PLBD1: variants seen among roughly 807,000 people sequenced by gnomAD.
PLBD1 encodes lysosomal leucine aminopeptidase.
Under a neutral mutation model 63.0 loss-of-function variants are expected in PLBD1, and 60 were observed. That is an observed-to-expected ratio of 0.95 (90% CI 0.77 to 1.18). The LOEUF is 1.18. PLBD1 is among the 50% of genes most tolerant of loss of function. The pLI is 0.00. For missense variants in PLBD1, 598 were observed against 677.9 expected (o/e 0.88, Z 1.31); for synonymous variants, 262 against 248.0 (o/e 1.06, Z -0.53).
chr12:14,505,106 CT>C lies in PLBD1; in HGVS notation c.1479+1055del, dbSNP rs57466061. On this transcript the variant is annotated intron_variant, in intron 10 of 10. Coordinates refer to ENST00000240617, the MANE Select transcript of PLBD1 (RefSeq NM_024829.6). ...TCTGTGCCAGCTTCTCTACGTCTACCTTTTTTTTTTTTTTTTTTAATGTTAA... is the reference window on the plus strand; with the variant it reads ...TCTGTGCCAGCTTCTCTACGTCTACCTTTTTTTTTTTTTTTTTAATGTTAA... 7.4e-3 allele frequency among the ~76,000 whole-genome samples: 1,033 copies of C among 140,504 alleles called. 1 individual carries two copies. The highest frequency in any genetic ancestry group is 0.011 in the Middle Eastern group (3 of 270). 92.2% of individuals were successfully genotyped at this position (140,504 alleles called of 152,430 possible).
At chr12:14,519,641 G>A (rs1565572610) in intron 6 of PLBD1, among the ~76,000 whole-genome samples, 1 of 151,080 alleles carries the variant, frequency 6.6e-6, no homozygotes, top group Non-Finnish European at 1.5e-5. Context: ...AAAAAAAGGA[G>A]GAAGTGATGC....
In PLBD1 at chr12:14,511,305, G is replaced by A. The variant is rs553944681; in HGVS notation, c.1141C>T (p.Pro381Ser). The change falls in exon 8 of 11, where the codon CCT becomes TCT. Residue 381 changes from proline (P) to serine (S), a missense_variant. Transcript: ENST00000240617. ...TGTTCAGAATATTCTACATATGTAG[G>A]AATTTGCTCCACAATGTACAGAGTG... ...KGTLYIVEQI[P>S]TYVEYSEQTD... 1.2e-6 allele frequency: 2 copies of A among 1,610,180 alleles called. No homozygotes were observed. The highest frequency in any genetic ancestry group is 3.4e-5 in the Admixed American group (2 of 58,548).
At chr12:14,532,120 G>A (rs1378177162) in intron 6 of PLBD1, among the ~76,000 whole-genome samples, 1 of 152,162 alleles carries the variant, frequency 6.6e-6, no homozygotes, top group Non-Finnish European at 1.5e-5. Context: ...GGCACCAGTG[G>A]GTAGGATAGG....
chr12:14,552,304 T>C (rs747129184), intron 2 of PLBD1, among the ~76,000 whole-genome samples: 1 of 152,210 alleles, frequency 6.6e-6, no homozygotes, highest in Non-Finnish European at 1.5e-5. Flanking sequence ...CTAAAAGGCA[T>C]GTATCCTGAT....
At chr12:14,555,402 T>C (rs545675363) in intron 1 of PLBD1, among the ~76,000 whole-genome samples, 1 of 152,160 alleles carries the variant, frequency 6.6e-6, no homozygotes, top group South Asian at 2.1e-4. Flanking sequence ...CCAGGCATGG[T>C]GGTGTGCGCC....
intron 4 of PLBD1, among the ~76,000 whole-genome samples, chr12:14,537,798 ATC>A (rs1316532543): frequency 2.6e-5 from 4 of 152,184 alleles, no homozygotes; most frequent in South Asian, 2.1e-4. Context: ...TATAAATATC[ATC>A]TCTGTTTTGT....
chr12:14,553,770 C>G, intron 1 of PLBD1: 1 of 325,684 alleles, frequency 3.1e-6, no homozygotes, highest in Non-Finnish European at 5.9e-6. Context: ...GATGGCTCAG[C>G]TAGTTGTATA....
At chr12:14,554,908 G>T (rs769905259) in intron 1 of PLBD1, among the ~76,000 whole-genome samples, 2 of 152,026 alleles carry the variant, frequency 1.3e-5, no homozygotes, top group Middle Eastern at 3.4e-3. Flanking sequence ...TGATTCCATC[G>T]CACTAGAGAT....
At position 14,562,826 on chromosome 12, in the gene PLBD1, T is replaced by C. The variant is rs1482622988; in HGVS notation, c.115+4756A>G. 4.6e-5 allele frequency among the ~76,000 whole-genome samples: 7 copies of C among 152,188 alleles called. No individual in the cohort carries two copies. In the East Asian group the frequency reaches 1.3e-3, roughly 29 times the overall value. The stretch of plus-strand genomic sequence containing the variant: ...CCACTACCTCTTTTATTTTGCTGTC[T>C]CCATAGTTAATGCCTTATAATGTGA... On this transcript the variant is annotated intron_variant, in intron 1 of 10. Coordinates refer to ENST00000240617, the MANE Select transcript of PLBD1 (RefSeq NM_024829.6).
intron 5 of PLBD1, 125 bp downstream of exon 5, chr12:14,536,445 A>G: frequency 9.8e-7 from 1 of 1,023,046 alleles, no homozygotes. Flanking sequence ...AACTTCTACC[A>G]TTGAAGAACT....
At chr12:14,560,829 T>C (rs896050698) in intron 1 of PLBD1, among the ~76,000 whole-genome samples, 7 of 152,078 alleles carry the variant, frequency 4.6e-5, no homozygotes, top group Admixed American at 2.0e-4. Context: ...GGAACACCGA[T>C]TGAAGGGTGC....
At chr12:14,562,095 CT>C (rs907279069) in intron 1 of PLBD1, among the ~76,000 whole-genome samples, 1 of 152,202 alleles carries the variant, frequency 6.6e-6, no homozygotes, top group African/African-American at 2.4e-5. Flanking sequence ...GCCAGCCTGT[CT>C]CTTTCGTTGA....
intron 8 of PLBD1, among the ~76,000 whole-genome samples, chr12:14,508,451 T>C (rs1301797572): frequency 6.6e-6 from 1 of 152,192 alleles, no homozygotes; most frequent in Non-Finnish European, 1.5e-5. Context: ...ATACTTCACA[T>C]TTCATGAAGC....
chr12:14,554,681 G>A (rs1432337473), intron 1 of PLBD1, among the ~76,000 whole-genome samples: 2 of 151,866 alleles, frequency 1.3e-5, no homozygotes, highest in African/African-American at 4.8e-5. Context: ...TGCGTCTTCT[G>A]CCTGGGTCAC....
At chr12:14,511,114 G>C in intron 8 of PLBD1, 146 bp downstream of exon 8, 2 of 816,318 alleles carry the variant, frequency 2.5e-6, no homozygotes, top group Admixed American at 5.9e-5. Context: ...GCTAAACCTG[G>C]TCATTCTGGT....
chr12:14,543,173 T>C, intron 2 of PLBD1, among the ~76,000 whole-genome samples: 1 of 152,284 alleles, frequency 6.6e-6, no homozygotes, highest in East Asian at 1.9e-4. Context: ...CATGTTTTCT[T>C]TGTTTAGATA....
intron 1 of PLBD1, among the ~76,000 whole-genome samples, chr12:14,565,982 C>G (rs926529095): frequency 3.3e-4 from 50 of 152,142 alleles, no homozygotes; most frequent in Admixed American, 3.3e-3. Flanking sequence ...CAAGGTGGTA[C>G]CTTCTTGAAT....
At chr12:14,546,936 A>G (rs1356852904) in intron 2 of PLBD1, among the ~76,000 whole-genome samples, 1 of 150,836 alleles carries the variant, frequency 6.6e-6, no homozygotes, top group Non-Finnish European at 1.5e-5. Flanking sequence ...GCTGGAGTGC[A>G]GTGGTGTGAT....
Position 14,518,244 on chromosome 12 carries a change from T to A in PLBD1, c.845-6533A>T, listed in dbSNP as rs143607654. On this transcript the variant is annotated intron_variant, in intron 6 of 10. Transcript: ENST00000240617. ...GCACAGTGTCAGGGACAGAGCCAGG[T>A]ACATGGTAGGGGCTAAACACATATT... 2.7e-3 allele frequency among the ~76,000 whole-genome samples: 417 copies of A among 152,278 alleles called. 2 individuals are homozygous for A. Among genetic ancestry groups the A allele is most frequent in the African/African-American group, 9.6e-3 (400 of 41,570 alleles).
Sources: allele counts gnomAD v4.1 joint callset (sites outside exome capture counted in the v4.1 genomes callset), GRCh38; gene constraint gnomAD v4.1.1; transcripts MANE v1.5; gene names NCBI Gene and HGNC (gene_info 2026-07-23, HGNC 2026-07-21).